Variants in ERN1 observed in about 807,000 individuals in gnomAD.
ERN1 encodes endoplasmic reticulum to nucleus signaling 1.
ERN1 carries 39 observed loss-of-function variants against 113.1 expected under a neutral mutation model. That is an observed-to-expected ratio of 0.34 (90% CI 0.27 to 0.45). ERN1 has a LOEUF of 0.45. Among genes scored for constraint, ERN1 ranks in the 20% least tolerant of loss-of-function variants. The probability of loss-of-function intolerance (pLI) is 1.00; values close to 1 mark genes in which losing one functional copy is unlikely to be tolerated. For missense variants in ERN1, 976 were observed against 1,274.8 expected (o/e 0.77, Z 3.57); for synonymous variants, 507 against 515.9 (o/e 0.98, Z 0.23).
chr17:64,080,965 T>C (rs1187476143), intron 2 of ERN1, among the ~76,000 whole-genome samples, 157 bp from the exon 3 acceptor site: 1 of 152,244 alleles, frequency 6.6e-6, no homozygotes, highest in Non-Finnish European at 1.5e-5. Context: ...TGCATTTTTG[T>C]ATCACCGTGC....
chr17:64,049,327 CAT>C lies in ERN1; in HGVS notation c.2254-127_2254-126del. On this transcript the variant is annotated intron_variant, in intron 17 of 21. Transcript: ENST00000433197. This position sits in a 1 kb window ranked among gnomAD's most constrained non-coding sequence, Gnocchi z 4.7. Reference sequence around the variant, plus strand: ...AAGGTGTCCTGGGAGAATCAGCTGACATATGTGAGCTGCACAGAGCAGCGAGG... The same window carrying C: ...AAGGTGTCCTGGGAGAATCAGCTGACATGTGAGCTGCACAGAGCAGCGAGG... 1.0e-6 allele frequency: 1 copy of C among 994,876 alleles called. No homozygotes were observed. Among genetic ancestry groups the C allele is most frequent in the Non-Finnish European group, 1.4e-6 (1 of 700,852 alleles). 61.6% of individuals were successfully genotyped at this position (994,876 alleles called of 1,614,324 possible).
intron 6 of ERN1, among the ~76,000 whole-genome samples, chr17:64,069,446 C>T (rs1028805562): frequency 6.6e-6 from 1 of 152,076 alleles, no homozygotes; most frequent in Non-Finnish European, 1.5e-5. Flanking sequence ...ACAAAACTGG[C>T]CATTTGTTAT....
intron 18 of ERN1, 112 bp from the exon 19 acceptor site, chr17:64,048,097 T>A: frequency 1.0e-6 from 1 of 985,880 alleles, no homozygotes; most frequent in Non-Finnish European, 1.4e-6. Context: ...TTTACAGGAA[T>A]TTATTCCAAT....
chr17:64,049,381 C>T lies in ERN1; in HGVS notation c.2254-179G>A, dbSNP rs1912612859. Among the ~76,000 whole-genome samples the T allele has an allele frequency of 1.3e-5, 2 of 152,208 alleles. No homozygotes were observed. Among genetic ancestry groups the T allele is most frequent in the South Asian group, 2.1e-4 (1 of 4,834 alleles). ...CTAACCTGCAGCACTGCATGGGTGT[C>T]AGAGGTCCCAGTGGAGAACCTGGGC... On this transcript the variant is annotated intron_variant, in intron 17 of 21. Coordinates refer to ENST00000433197, the MANE Select transcript of ERN1 (RefSeq NM_001433.5). The surrounding 1 kb of genome is among the most constrained non-coding windows in gnomAD (Gnocchi z 4.7).
Position 64,054,260 on chromosome 17 carries a change from G to T in ERN1, c.1943C>A (p.Thr648Asn). 6.2e-7 allele frequency: 1 copy of T among 1,611,300 alleles called. No individual in the cohort carries two copies. The highest frequency in any genetic ancestry group is 2.2e-5 in the East Asian group (1 of 44,790). ...QYIAIELCAA[T>N]LQEYVEQKDF... ...AAAAAATAAATCCACCTCTTGCAGG[G>T]TGGCTGCACACAGCTCGATGGCAAT... Residue 648 changes from threonine (T) to asparagine (N), a missense_variant, in exon 15 of 22, where the codon ACC becomes AAC. This residue lies in a region of ERN1 where 297 missense variants were observed against 457.8 expected (regional missense o/e 0.65). Transcript: ENST00000433197. The surrounding 1 kb of genome is among the most constrained non-coding windows in gnomAD (Gnocchi z 4.9).
At chr17:64,071,467 C>G (rs977584311) in intron 6 of ERN1, among the ~76,000 whole-genome samples, 4 of 151,924 alleles carry the variant, frequency 2.6e-5, no homozygotes, top group Non-Finnish European at 5.9e-5. Flanking sequence ...GTTGCCCAGG[C>G]TGGAGTGCAG....
intron 2 of ERN1, among the ~76,000 whole-genome samples, chr17:64,095,734 C>A (rs1266344328): frequency 6.6e-6 from 1 of 152,170 alleles, no homozygotes; most frequent in South Asian, 2.1e-4. Context: ...GTGCTCCATC[C>A]AGTAAGGCTC....
In ERN1 at chr17:64,117,961, C is replaced by T. The variant is rs186822898; in HGVS notation, c.54+12015G>A. On this transcript the variant is annotated intron_variant, in intron 1 of 21. Coordinates refer to ENST00000433197, the MANE Select transcript of ERN1 (RefSeq NM_001433.5). Reference sequence around the variant, plus strand: ...CCCAAGCATCTCAAACAGTGCTTGGCATAAAATATGTACTCAAAAAGTTGA... The same window carrying T: ...CCCAAGCATCTCAAACAGTGCTTGGTATAAAATATGTACTCAAAAAGTTGA... Among the ~76,000 whole-genome samples the T allele has an allele frequency of 1.2e-4, 18 of 152,272 alleles. No homozygotes were observed. The East Asian group carries it at 3.5e-3, about 29-fold the overall frequency.
At chr17:64,076,704 A>G (rs7213015) in intron 4 of ERN1, among the ~76,000 whole-genome samples, 6,166 of 150,610 alleles carry the variant, frequency 0.041, 415 homozygotes, top group African/African-American at 0.14. Context: ...GGTTGATGCC[A>G]TTCTCCTGCC....
intron 1 of ERN1, 88 bp from the exon 2 acceptor site, chr17:64,098,329 T>A: frequency 6.7e-7 from 1 of 1,501,364 alleles, no homozygotes; most frequent in Non-Finnish European, 9.2e-7. Flanking sequence ...CCCAAGGTTA[T>A]CCTACTAAAA....
At chr17:64,075,657 C>T (rs1042724723) in intron 4 of ERN1, among the ~76,000 whole-genome samples, 1 of 152,268 alleles carries the variant, frequency 6.6e-6, no homozygotes, top group Admixed American at 6.5e-5. Flanking sequence ...AACATCCACT[C>T]CTTTACTTGA....
chr17:64,064,762 G>A (rs1913165021), intron 9 of ERN1, among the ~76,000 whole-genome samples: 1 of 152,212 alleles, frequency 6.6e-6, no homozygotes, highest in Non-Finnish European at 1.5e-5. Flanking sequence ...TTTGAGTAGG[G>A]AAAAGGAAGA....
chr17:64,055,603 G>A (rs1045980162), intron 13 of ERN1, 72 bp downstream of exon 13: 2 of 1,371,596 alleles, frequency 1.5e-6, no homozygotes, highest in African/African-American at 2.9e-5. Flanking sequence ...CAATCTTATG[G>A]AGACTCCTTG....
chr17:64,080,006 C>T (rs992345720), intron 3 of ERN1, among the ~76,000 whole-genome samples: 10 of 152,176 alleles, frequency 6.6e-5, no homozygotes, highest in Middle Eastern at 3.2e-3. Context: ...GACAAATTAT[C>T]ATTTGGTCAA....
intron 2 of ERN1, among the ~76,000 whole-genome samples, chr17:64,085,762 A>T (rs1202214432): frequency 6.6e-6 from 1 of 152,154 alleles, no homozygotes; most frequent in Non-Finnish European, 1.5e-5. Flanking sequence ...TCATTAGTGG[A>T]GATACCATGA....
chr17:64,048,826 T>C (rs1349954249), intron 18 of ERN1, among the ~76,000 whole-genome samples: 1 of 152,076 alleles, frequency 6.6e-6, no homozygotes, highest in African/African-American at 2.4e-5. Flanking sequence ...AAGTAGTTGG[T>C]GACCTGGAGG....
Position 64,055,820 on chromosome 17 carries a change from C to G in ERN1, c.1527G>C (p.Glu509Asp), listed in dbSNP as rs777657220. 2 of 1,566,236 alleles carry G rather than the reference C, an allele frequency of 1.3e-6. No homozygotes were observed. The highest frequency in any genetic ancestry group is 1.2e-5 in the South Asian group (1 of 85,682). Residue 509 changes from glutamate (E) to aspartate (D), a missense_variant, in exon 13 of 22, where the codon GAG becomes GAC. By Grantham distance (45) the Glu-to-Asp change is conservative. This residue lies in a region of ERN1 where 112 missense variants were observed against 106.2 expected (regional missense o/e 1.05). Transcript: ENST00000433197. ...AGTACGGGCCAGACGTGTCCAGGAG[C>G]TCGCCGTCCTGAGCCGTGTCTCCAG... ...HPPGDTAQDG[E>D]LLDTSGPYSE...
Position 64,054,246 on chromosome 17 carries a change from C to A in ERN1, c.1953+4G>T. 1 of 1,602,706 alleles carries A rather than the reference C, an allele frequency of 6.2e-7. No homozygotes were observed. Among genetic ancestry groups the A allele is most frequent in the Non-Finnish European group, 8.5e-7 (1 of 1,172,832 alleles). On this transcript the variant is annotated splice_donor_region_variant and intron_variant, in intron 15 of 21. Coordinates refer to ENST00000433197, the MANE Select transcript of ERN1 (RefSeq NM_001433.5). The surrounding 1 kb of genome is among the most constrained non-coding windows in gnomAD (Gnocchi z 4.9). ...AGTTAACAAAATAAAAAAAATAAAT[C>A]CACCTCTTGCAGGGTGGCTGCACAC... is the stretch of plus-strand genomic sequence containing the variant.
At chr17:64,094,577 A>G (rs1375785885) in intron 2 of ERN1, among the ~76,000 whole-genome samples, 2 of 150,668 alleles carry the variant, frequency 1.3e-5, no homozygotes, top group East Asian at 3.9e-4. Context: ...CTCCCGCCAC[A>G]TCAACTCTGT....
Sources: allele counts gnomAD v4.1 joint callset (sites outside exome capture counted in the v4.1 genomes callset), GRCh38; gene constraint gnomAD v4.1.1; regional missense constraint gnomAD v4.1.1; non-coding constraint Gnocchi (gnomAD v3.1); transcripts MANE v1.5; gene names NCBI Gene and HGNC (gene_info 2026-07-23, HGNC 2026-07-21).